EXD3: variants seen among roughly 807,000 people sequenced by gnomAD.
The protein encoded by EXD3 is exonuclease 3'-5' domain containing 3, also known as exonuclease mut-7 homolog.
A neutral mutation model predicts 98.0 loss-of-function variants in EXD3; 92 were observed. The ratio of observed to expected loss-of-function variants is 0.94; its 90% CI spans 0.79 to 1.12. The LOEUF is 1.12. Ranked by LOEUF, EXD3 falls within the 50% of genes most tolerant of loss-of-function variation. The probability of loss-of-function intolerance (pLI) is 0.00; values close to 1 mark genes in which losing one functional copy is unlikely to be tolerated. For missense variants in EXD3, 1,222 were observed against 1,191.6 expected (o/e 1.03, Z -0.38); for synonymous variants, 569 against 526.0 (o/e 1.08, Z -1.12).
intron 8 of EXD3, 122 bp downstream of exon 8, chr9:137,356,146 C>G (rs1229656895): frequency 1.4e-6 from 1 of 714,052 alleles, no homozygotes; most frequent in African/African-American, 1.8e-5. Context: ...GAGGGGCTCT[C>G]TGGGAAGGTT....
At chr9:137,418,963 T>C (rs1267291294) in intron 1 of EXD3, among the ~76,000 whole-genome samples, 1 of 152,200 alleles carries the variant, frequency 6.6e-6, no homozygotes, top group Non-Finnish European at 1.5e-5. Flanking sequence ...TTTGAGATTG[T>C]TTTAAGCCTC....
At position 137,385,040 on chromosome 9, in the gene EXD3, C is replaced by T. The variant is rs1316606312; in HGVS notation, c.56-1663G>A. Reference sequence around the variant, plus strand: ...CCGGGAGGCGGAGGTCGCAGTGAGCCGAGATCGGGCCACTGCACTCCAGCC... The same window carrying T: ...CCGGGAGGCGGAGGTCGCAGTGAGCTGAGATCGGGCCACTGCACTCCAGCC... On this transcript the variant is annotated intron_variant, in intron 2 of 21. Coordinates refer to ENST00000340951, the MANE Select transcript of EXD3 (RefSeq NM_017820.5). This position sits in a 1 kb window ranked among gnomAD's most constrained non-coding sequence, Gnocchi z 4.4. 6.6e-5 allele frequency among the ~76,000 whole-genome samples: 10 copies of T among 152,044 alleles called. No individual in the cohort carries two copies. The highest frequency in any genetic ancestry group is 9.7e-5 in the African/African-American group (4 of 41,416).
intron 2 of EXD3, among the ~76,000 whole-genome samples, chr9:137,394,699 CCGAG>C (rs34387175): frequency 0.45 from 67,814 of 151,518 alleles, 15,453 homozygotes; most frequent in Middle Eastern, 0.55. Context: ...GGCAGGGCAG[CCGAG>C]CGAGCGGGGA....
intron 3 of EXD3, among the ~76,000 whole-genome samples, chr9:137,382,034 G>A (rs924721598): frequency 2.0e-5 from 3 of 146,786 alleles, no homozygotes; most frequent in East Asian, 2.0e-4. Flanking sequence ...GGAGGTGAGG[G>A]CGCGGGGAGG....
At chr9:137,406,493 C>G (rs1415419018) in intron 1 of EXD3, among the ~76,000 whole-genome samples, 1 of 152,106 alleles carries the variant, frequency 6.6e-6, no homozygotes. Flanking sequence ...TTTGTCTTGT[C>G]CCAAACGGCA....
chr9:137,417,520 C>T (rs1029659057), intron 1 of EXD3, among the ~76,000 whole-genome samples: 7 of 152,156 alleles, frequency 4.6e-5, no homozygotes, highest in Non-Finnish European at 8.8e-5. Context: ...GAAAGTCGAA[C>T]ACAGCGACCA....
Position 137,402,968 on chromosome 9 carries a change from G to A in EXD3, c.-47-7564C>T, listed in dbSNP as rs142394336. 3.2e-4 allele frequency among the ~76,000 whole-genome samples: 49 copies of A among 152,256 alleles called. 1 individual carries two copies. In the East Asian group the frequency reaches 9.1e-3, roughly 28 times the overall value. On this transcript the variant is annotated intron_variant, in intron 1 of 21. Coordinates refer to ENST00000340951, the MANE Select transcript of EXD3 (RefSeq NM_017820.5). Reference sequence around the variant, plus strand: ...ATATTCACTACCATGAGAACAGCATGGGAAAGACCGGCCCCAGGATTCAAT... The same window carrying A: ...ATATTCACTACCATGAGAACAGCATAGGAAAGACCGGCCCCAGGATTCAAT...
chr9:137,355,575 G>A lies in EXD3; in HGVS notation c.757+693C>T, dbSNP rs1324539344. On this transcript the variant is annotated intron_variant, in intron 8 of 21. Transcript: ENST00000340951. Reference sequence around the variant, plus strand: ...GAGGAAGGAGGAAGGGAGGATGGAGGAAGGAGGAAGGAGAAAGGGCGGAAG... The same window carrying A: ...GAGGAAGGAGGAAGGGAGGATGGAGAAAGGAGGAAGGAGAAAGGGCGGAAG... Among the ~76,000 whole-genome samples, 107 of 60,462 alleles carry A rather than the reference G, an allele frequency of 1.8e-3. 3 individuals are homozygous for A. Among genetic ancestry groups the A allele is most frequent in the Admixed American group, 4.2e-3 (19 of 4,476 alleles). 39.7% of individuals were successfully genotyped at this position (60,462 alleles called of 152,430 possible). A position where few individuals can be genotyped will look rare whatever the true frequency, so the allele number is the denominator to read the frequency against.
At chr9:137,398,850 A>G (rs1371901448) in intron 1 of EXD3, among the ~76,000 whole-genome samples, 30 of 123,304 alleles carry the variant, frequency 2.4e-4, no homozygotes, top group East Asian at 5.1e-4. Context: ...CCGCATCCCC[A>G]AGACACACAG....
chr9:137,320,474 G>GC (rs1204007791), intron 19 of EXD3, among the ~76,000 whole-genome samples: 1 of 152,214 alleles, frequency 6.6e-6, no homozygotes, highest in African/African-American at 2.4e-5. Flanking sequence ...TCTACCTGCA[G>GC]CCCCCCTGGG....
chr9:137,316,732 G>A (rs1831685657), intron 19 of EXD3, among the ~76,000 whole-genome samples: 1 of 152,372 alleles, frequency 6.6e-6, no homozygotes, highest in East Asian at 1.9e-4. Context: ...AGGGCCCCGG[G>A]CTGGGCAGGG....
At chr9:137,351,909 T>G (rs929755711) in intron 12 of EXD3, among the ~76,000 whole-genome samples, 157 bp downstream of exon 12, 1 of 152,140 alleles carries the variant, frequency 6.6e-6, no homozygotes, top group Non-Finnish European at 1.5e-5. Flanking sequence ...AGCAGCACAG[T>G]GTGGGGAACG....
intron 19 of EXD3, among the ~76,000 whole-genome samples, chr9:137,310,031 C>G (rs1179665791): frequency 2.0e-5 from 3 of 152,274 alleles, no homozygotes; most frequent in African/African-American, 7.2e-5. Context: ...GCCACCTCAG[C>G]TGGCGTGTTG....
chr9:137,421,828 A>T (rs892429028), intron 1 of EXD3, among the ~76,000 whole-genome samples: 1 of 152,064 alleles, frequency 6.6e-6, no homozygotes, highest in African/African-American at 2.4e-5. Context: ...ACAGAGCAAG[A>T]CCCCATTTCT....
In EXD3 at chr9:137,339,018, C is replaced by T. The variant is rs865899660; in HGVS notation, c.1998+9053G>A. Among the ~76,000 whole-genome samples, 19 of 151,968 alleles carry T rather than the reference C, an allele frequency of 1.3e-4. No individual in the cohort carries two copies. The East Asian group carries it at 1.5e-3, about 12-fold the overall frequency. On this transcript the variant is annotated intron_variant, in intron 17 of 21. Transcript: ENST00000340951. Reference sequence around the variant, plus strand: ...TGCAGACACAGCAGAGCCTTAAGAGCGGACACCGACAATCTATAACAATCT... The same window carrying T: ...TGCAGACACAGCAGAGCCTTAAGAGTGGACACCGACAATCTATAACAATCT...
chr9:137,378,654 T>C (rs1836038240), intron 3 of EXD3, among the ~76,000 whole-genome samples: 1 of 152,234 alleles, frequency 6.6e-6, no homozygotes, highest in Non-Finnish European at 1.5e-5. Context: ...CCTGGCCACG[T>C]ATTACTCAGC....
intron 11 of EXD3, 60 bp downstream of exon 11, chr9:137,352,560 G>A (rs35287538): frequency 0.056 from 80,390 of 1,442,872 alleles, 4,181 homozygotes; most frequent in African/African-American, 0.27. Flanking sequence ...GTCGTCCCAA[G>A]GGTAGGGGCC....
chr9:137,307,692 G>C, intron 20 of EXD3, 46 bp from the exon 21 acceptor site: 2 of 1,600,586 alleles, frequency 1.2e-6, no homozygotes, highest in Non-Finnish European at 1.7e-6. Flanking sequence ...CCTAGGGATG[G>C]GGCTTGGCAG....
intron 5 of EXD3, among the ~76,000 whole-genome samples, chr9:137,370,856 TA>T: frequency 6.7e-6 from 1 of 150,248 alleles, no homozygotes; most frequent in Middle Eastern, 3.2e-3. Context: ...TTAAAAAATG[TA>T]AATAAAATAA....
Sources: allele counts gnomAD v4.1 joint callset (sites outside exome capture counted in the v4.1 genomes callset), GRCh38; gene constraint gnomAD v4.1.1; non-coding constraint Gnocchi (gnomAD v3.1); transcripts MANE v1.5; gene names NCBI Gene and HGNC (gene_info 2026-07-23, HGNC 2026-07-21).